POMGNT2: variants seen among roughly 807,000 people sequenced by gnomAD.
POMGNT2 encodes the protein protein O-linked mannose N-acetylglucosaminyltransferase 2 (beta 1,4-).
In POMGNT2, 32 loss-of-function variants were observed where a neutral mutation model predicts 37.8. That is an observed-to-expected ratio of 0.85 (90% CI 0.64 to 1.14). The LOEUF is 1.14. Among genes scored for constraint, POMGNT2 ranks in the 50% most tolerant of loss-of-function variants. The pLI is 0.00. For missense variants in POMGNT2, 705 were observed against 780.6 expected, an observed-to-expected ratio of 0.90 and a Z score of 1.15; for synonymous variants, 340 against 336.8, an observed-to-expected ratio of 1.01 and a Z score of -0.10.
intron 1 of POMGNT2, among the ~76,000 whole-genome samples, chr3:43,096,459 T>C (rs1257909740): frequency 2.0e-5 from 3 of 152,196 alleles, no homozygotes; most frequent in South Asian, 4.1e-4. Context: ...CTCCATTTTA[T>C]AGATTGGGAC....
chr3:43,101,477 T>C (rs1009080837), intron 1 of POMGNT2, among the ~76,000 whole-genome samples: 3 of 152,158 alleles, frequency 2.0e-5, no homozygotes, highest in African/African-American at 7.2e-5. Flanking sequence ...ACTCAGTGGA[T>C]CCGTGGACCT....
chr3:43,104,361 G>C (rs1410199998), intron 1 of POMGNT2, among the ~76,000 whole-genome samples: 2 of 152,214 alleles, frequency 1.3e-5, no homozygotes, highest in Non-Finnish European at 2.9e-5. Flanking sequence ...TAATTTTCTA[G>C]TTAGTGCAAT....
intron 1 of POMGNT2, among the ~76,000 whole-genome samples, chr3:43,085,421 G>C (rs906177550): frequency 3.3e-5 from 5 of 152,064 alleles, no homozygotes; most frequent in South Asian, 4.2e-4. Context: ...GGGTTGGGGG[G>C]GGTTCTTTCC....
At chr3:43,088,668 C>T (rs986808419) in intron 1 of POMGNT2, among the ~76,000 whole-genome samples, 33 of 152,192 alleles carry the variant, frequency 2.2e-4, no homozygotes, top group Non-Finnish European at 2.6e-4. Context: ...GTGTCGCATG[C>T]CATGTTCCTA....
At chr3:43,095,689 A>G (rs1015885795) in intron 1 of POMGNT2, among the ~76,000 whole-genome samples, 5 of 152,214 alleles carry the variant, frequency 3.3e-5, no homozygotes, top group Non-Finnish European at 7.3e-5. Flanking sequence ...GCCCAAGGTT[A>G]CAACAGGTGT....
At chr3:43,083,802 T>C (rs1420815987) in intron 1 of POMGNT2, among the ~76,000 whole-genome samples, 1 of 152,220 alleles carries the variant, frequency 6.6e-6, no homozygotes, top group Non-Finnish European at 1.5e-5. Flanking sequence ...ACCCATATTT[T>C]TACTCTTTAT....
chr3:43,083,945 G>A (rs772666991), intron 1 of POMGNT2, among the ~76,000 whole-genome samples: 5 of 152,008 alleles, frequency 3.3e-5, no homozygotes, highest in East Asian at 1.9e-4. Context: ...CCTTCATGTC[G>A]AAATGTCTGA....
rs114714401 is a variant in POMGNT2 at position 43,098,293 on chromosome 3, T to C, written c.-106+7543A>G. Among the ~76,000 whole-genome samples the C allele has an allele frequency of 2.7e-3, 410 of 152,356 alleles. 1 individual carries two copies. The highest frequency in any genetic ancestry group is 9.5e-3 in the African/African-American group (396 of 41,582). ...ATTTGTTGTCTTACATGTTGTAAAT[T>C]AGTAAGGAGTAAACATGTTTCACTA... On this transcript the variant is annotated intron_variant, in intron 1 of 1. Coordinates refer to ENST00000344697, the MANE Select transcript of POMGNT2 (RefSeq NM_032806.6). The surrounding 1 kb of genome is among the most constrained non-coding windows in gnomAD (Gnocchi z 4.3).
chr3:43,084,771 T>G (rs1435757503), intron 1 of POMGNT2, among the ~76,000 whole-genome samples: 2 of 152,244 alleles, frequency 1.3e-5, no homozygotes, highest in Non-Finnish European at 2.9e-5. Flanking sequence ...TCATGTTCGC[T>G]GATTCTTTCC....
At chr3:43,103,096 T>C (rs2090031553) in intron 1 of POMGNT2, among the ~76,000 whole-genome samples, 1 of 152,172 alleles carries the variant, frequency 6.6e-6, no homozygotes, top group African/African-American at 2.4e-5. Context: ...GGTACTGTGC[T>C]GAGAGGGTTA....
At position 43,080,630 on chromosome 3, in the gene POMGNT2, CA is replaced by C. The variant is rs951903038; in HGVS notation, c.801del (p.Phe267LeufsTer5). The C allele has an allele frequency of 1.2e-6, 2 of 1,614,108 alleles. No homozygotes were observed. Among genetic ancestry groups the C allele is most frequent in the African/African-American group, 2.7e-5 (2 of 74,948 alleles). On this transcript the variant is annotated frameshift_variant, in exon 2 of 2. Coordinates refer to ENST00000344697, the MANE Select transcript of POMGNT2 (RefSeq NM_032806.6). LOFTEE classifies it high-confidence loss of function. ...TTCAGCTTTTCTGTCATGAACCGTGCAAACTGCCGGATCTCATTGCCTGAGA... is the reference window on the plus strand; with the variant it reads ...TTCAGCTTTTCTGTCATGAACCGTGCAACTGCCGGATCTCATTGCCTGAGA... ...ILVSGNEIRQ[F>X]ARFMTEKLNV...
At position 43,080,270 on chromosome 3, in the gene POMGNT2, G is replaced by T; in HGVS notation, c.1162C>A (p.Leu388Ile). 2 of 1,614,202 alleles carry T rather than the reference G, an allele frequency of 1.2e-6. No individual in the cohort carries two copies. Among genetic ancestry groups the T allele is most frequent in the South Asian group, 1.1e-5 (1 of 91,084 alleles). ...ATGTTCCGCCAGGCTACATACTGGA[G>T]GTCCATGCCAGGCAGCATGGCCAGC... The part of the protein sequence containing the change: ...KTLAMLPGMD[L>I]QYVAWRNMMP... Residue 388 changes from leucine (L) to isoleucine (I), a missense_variant, in exon 2 of 2, where the codon CTC (leucine) becomes ATC (isoleucine). Transcript: ENST00000344697.
At chr3:43,082,003 G>A (rs2089860623) in intron 1 of POMGNT2, among the ~76,000 whole-genome samples, 1 of 152,260 alleles carries the variant, frequency 6.6e-6, no homozygotes, top group African/African-American at 2.4e-5. Flanking sequence ...CCAGCCAAGA[G>A]CAGCAGTGCG....
chr3:43,091,215 G>A (rs2089940705), intron 1 of POMGNT2, among the ~76,000 whole-genome samples: 1 of 151,930 alleles, frequency 6.6e-6, no homozygotes, highest in African/African-American at 2.4e-5. Flanking sequence ...GCTAGGGCAG[G>A]GAAAGTACAA....
rs779354776 is a variant in POMGNT2 at position 43,081,448 on chromosome 3, G to C, written c.-17C>G. 3 of 1,520,330 alleles carry C rather than the reference G, an allele frequency of 2.0e-6. No individual in the cohort carries two copies. The South Asian group carries it at 3.9e-5, about 20-fold the overall frequency. The allele number at this position is 1,520,330 out of a possible 1,614,324, so 94.2% of individuals were successfully genotyped here. ...GAGGTGCATCCTAATGCCACTGTGGGGCCCTAATGAGATGACGGCCACTGG... is the reference window on the plus strand; with the variant it reads ...GAGGTGCATCCTAATGCCACTGTGGCGCCCTAATGAGATGACGGCCACTGG... On this transcript the variant is annotated 5_prime_UTR_variant, in exon 2 of 2. Transcript: ENST00000344697.
At chr3:43,087,026 T>C (rs987162017) in intron 1 of POMGNT2, among the ~76,000 whole-genome samples, 2 of 152,042 alleles carry the variant, frequency 1.3e-5, no homozygotes, top group Non-Finnish European at 2.9e-5. Flanking sequence ...CAGAAGGCCA[T>C]GTGAAGATGA....
intron 1 of POMGNT2, among the ~76,000 whole-genome samples, chr3:43,102,893 G>A (rs2090029845): frequency 6.6e-6 from 1 of 152,110 alleles, no homozygotes; most frequent in Non-Finnish European, 1.5e-5. Context: ...CAGGTGTGGT[G>A]GCCCTGGAAA....
rs956696491 is a variant in POMGNT2 at position 43,104,562 on chromosome 3, C to A, written c.-106+1274G>T. Among the ~76,000 whole-genome samples the A allele has an allele frequency of 4.6e-5, 7 of 152,326 alleles. No homozygotes were observed. The East Asian group carries it at 1.2e-3, about 25-fold the overall frequency. ...CAAGGCTCAGGAAGGAACGTGCTGA[C>A]CACCCCTGGGGATGAGGGGACCTAT... is the stretch of plus-strand genomic sequence containing the variant. On this transcript the variant is annotated intron_variant, in intron 1 of 1. Transcript: ENST00000344697.
At chr3:43,096,156 C>T (rs1398942830) in intron 1 of POMGNT2, among the ~76,000 whole-genome samples, 1 of 152,174 alleles carries the variant, frequency 6.6e-6, no homozygotes, top group East Asian at 1.9e-4. Context: ...CCTATCACTC[C>T]TCTTACTCGT....
Sources: gnomAD v4.1 joint callset for allele counts (sites outside exome capture counted in the v4.1 genomes callset) on GRCh38, gnomAD v4.1.1 for gene constraint, Gnocchi (gnomAD v3.1) non-coding constraint, MANE v1.5 for transcripts, NCBI Gene and HGNC (gene_info 2026-07-23, HGNC 2026-07-21) for gene names.